The following SLC2A9 variants were observed in gnomAD, a reference collection of about 807,000 sequenced individuals.
SLC2A9 encodes solute carrier family 2 member 9, also known as solute carrier family 2, facilitated glucose transporter member 9.
Under a neutral mutation model 50.6 loss-of-function variants are expected in SLC2A9, and 39 were observed. The observed-to-expected ratio is 0.77, with a 90% CI of 0.60 to 1.01. SLC2A9 has a LOEUF of 1.01. SLC2A9 is among the 50% of genes least tolerant of loss of function. SLC2A9 has a pLI of 0.00. For synonymous variants in SLC2A9, 324 were observed against 276.9 expected (o/e 1.17, Z -1.69); for missense variants, 686 against 677.6 (o/e 1.01, Z -0.14).
At chr4:9,879,100 C>T in intron 10 of SLC2A9, 1 of 974,040 alleles carries the variant, frequency 1.0e-6, no homozygotes, top group Non-Finnish European at 1.2e-6. Context: ...AAACAAGGTT[C>T]TTGTCTTTGA....
At chr4:10,016,996 C>T (rs1264668451) in intron 2 of SLC2A9, among the ~76,000 whole-genome samples, 1 of 152,172 alleles carries the variant, frequency 6.6e-6, no homozygotes, top group African/African-American at 2.4e-5. Flanking sequence ...TCCTAATATG[C>T]CACCATGTGG....
intron 3 of SLC2A9, among the ~76,000 whole-genome samples, chr4:9,791,061 T>C (rs1453517910): frequency 1.3e-5 from 2 of 152,218 alleles, no homozygotes; most frequent in African/African-American, 4.8e-5. Context: ...CAGCTGTGAC[T>C]AGAAAGTCCT....
At chr4:9,893,818 C>G (rs1738015220) in intron 8 of SLC2A9, among the ~76,000 whole-genome samples, 1 of 152,088 alleles carries the variant, frequency 6.6e-6, no homozygotes, top group Admixed American at 6.6e-5. Flanking sequence ...AAATTATGGG[C>G]CCAGAGAGAT....
chr4:9,795,029 T>TTTTTA (rs1560123794), downstream of SLC2A9, among the ~76,000 whole-genome samples: 1 of 148,062 alleles, frequency 6.8e-6, no homozygotes, highest in Non-Finnish European at 1.5e-5. Context: ...TTTTTTTTTT[T>TTTTTA]AAGACAAAGT....
chr4:9,902,076 T>C (rs1164834162), intron 8 of SLC2A9, among the ~76,000 whole-genome samples: 1 of 152,194 alleles, frequency 6.6e-6, no homozygotes, highest in Non-Finnish European at 1.5e-5. Flanking sequence ...AGGTTTTTCT[T>C]TCAGCAGCTT....
At chr4:9,777,163 A>T (rs1192559385), downstream of SLC2A9, among the ~76,000 whole-genome samples, 4 of 152,192 alleles carry the variant, frequency 2.6e-5, no homozygotes, top group East Asian at 7.7e-4. Context: ...AAGATAAGGA[A>T]TATGTTTTTA....
chr4:9,993,896 C>T (rs761127567), intron 3 of SLC2A9, among the ~76,000 whole-genome samples: 28 of 152,220 alleles, frequency 1.8e-4, no homozygotes, highest in Non-Finnish European at 3.2e-4. Flanking sequence ...AAATCACAAA[C>T]GAGCTCAACA....
chr4:9,856,931 A>C (rs1025564543), intron 10 of SLC2A9, among the ~76,000 whole-genome samples: 1 of 152,162 alleles, frequency 6.6e-6, no homozygotes, highest in African/African-American at 2.4e-5. Context: ...CATGGACACA[A>C]GGGAACAATG....
At chr4:9,886,305 A>G (rs770398298) in intron 10 of SLC2A9, among the ~76,000 whole-genome samples, 2 of 152,042 alleles carry the variant, frequency 1.3e-5, no homozygotes, top group Admixed American at 6.5e-5. Context: ...AAACACATTT[A>G]CTCCTCGCGT....
At position 9,782,618 on chromosome 4, in the gene SLC2A9, C is replaced by G. The variant is rs372770621; in HGVS notation, n.386-2553G>C. 5.6e-6 allele frequency: 9 copies of G among 1,614,004 alleles called. No individual in the cohort carries two copies. The Admixed American group carries it at 1.3e-4, about 24-fold the overall frequency. The stretch of plus-strand genomic sequence containing the variant: ...GGGCGGGCTGGACCTGCCAAACAAC[C>G]TGGCCAACTGGACGCCCTGGGAGGA... On this transcript the variant is annotated intron_variant and non_coding_transcript_variant, in intron 3 of 3. Coordinates refer to the SLC2A9 transcript ENST00000503803.
intron 8 of SLC2A9, among the ~76,000 whole-genome samples, chr4:9,895,908 T>C (rs180853490): frequency 2.6e-4 from 39 of 152,382 alleles, no homozygotes; most frequent in South Asian, 8.3e-4. Context: ...TATTGCTTAT[T>C]GCAGTGTTTT....
chr4:9,850,334 G>A (rs1047124589), intron 10 of SLC2A9, among the ~76,000 whole-genome samples: 3 of 152,200 alleles, frequency 2.0e-5, no homozygotes, highest in Non-Finnish European at 4.4e-5. Flanking sequence ...TGCCCAGAGG[G>A]TTTGGTGTGG....
At chr4:9,804,707 T>A (rs1159660279) in intron 3 of SLC2A9, among the ~76,000 whole-genome samples, 1 of 152,180 alleles carries the variant, frequency 6.6e-6, no homozygotes, top group Non-Finnish European at 1.5e-5. Context: ...ATCTGCCACA[T>A]CAGTACTACA....
chr4:9,857,153 T>C (rs1184163778), intron 10 of SLC2A9, among the ~76,000 whole-genome samples: 1 of 152,194 alleles, frequency 6.6e-6, no homozygotes, highest in African/African-American at 2.4e-5. Flanking sequence ...GCTGGAGTTA[T>C]AAGGCTGCCT....
intron 5 of SLC2A9, among the ~76,000 whole-genome samples, chr4:9,954,508 G>C (rs914743914): frequency 1.1e-4 from 16 of 152,224 alleles, no homozygotes; most frequent in Non-Finnish European, 2.4e-4. Context: ...GACAGCCATT[G>C]GTCTATACTG....
intron 3 of SLC2A9, among the ~76,000 whole-genome samples, chr4:9,786,351 G>A (rs1448613654): frequency 2.6e-5 from 4 of 152,218 alleles, no homozygotes; most frequent in African/African-American, 9.7e-5. Context: ...GCCTGGCCGT[G>A]GAGTCTTTAA....
intron 5 of SLC2A9, among the ~76,000 whole-genome samples, chr4:9,942,332 G>A (rs1307560431): frequency 6.6e-6 from 1 of 152,180 alleles, no homozygotes. Flanking sequence ...CCACTCAAGG[G>A]CTGCTTGACC....
upstream of SLC2A9, among the ~76,000 whole-genome samples, chr4:10,026,165 C>T (rs1763744790): frequency 6.6e-6 from 1 of 152,222 alleles, no homozygotes; most frequent in African/African-American, 2.4e-5. Context: ...GGGCATCTCC[C>T]TGCTCTCCTC....
At chr4:10,031,938 T>TCTC (rs1165662992) in intron 1 of SLC2A9, among the ~76,000 whole-genome samples, 2 of 152,224 alleles carry the variant, frequency 1.3e-5, no homozygotes, top group African/African-American at 4.8e-5. Context: ...TTATCTGTGC[T>TCTC]CTGACAGAGG....
Sources: allele counts gnomAD v4.1 joint callset (sites outside exome capture counted in the v4.1 genomes callset), GRCh38; gene constraint gnomAD v4.1.1; transcripts MANE v1.5; gene names NCBI Gene and HGNC (gene_info 2026-07-23, HGNC 2026-07-21).